SLC44A2: variants seen among roughly 807,000 people sequenced by gnomAD.
The protein encoded by SLC44A2 is solute carrier family 44 member 2 (CTL2 blood group).
In SLC44A2, 57 loss-of-function variants were observed where a neutral mutation model predicts 90.8. The ratio of observed to expected loss-of-function variants is 0.63; its 90% CI spans 0.51 to 0.78. The LOEUF (loss-of-function observed/expected upper bound fraction) is 0.78, where lower values mean the gene tolerates loss of function less well. Among genes scored for constraint, SLC44A2 ranks in the 30% least tolerant of loss-of-function variants. The pLI is 0.00. For synonymous variants in SLC44A2, 355 were observed against 360.7 expected, an observed-to-expected ratio of 0.98 and a Z score of 0.18; for missense variants, 794 against 919.7, an observed-to-expected ratio of 0.86 and a Z score of 1.77.
intron 1 of SLC44A2, among the ~76,000 whole-genome samples, chr19:10,616,983 G>A (rs571701683): frequency 2.6e-5 from 4 of 151,928 alleles, no homozygotes; most frequent in African/African-American, 4.8e-5. Context: ...GTGCAGTGGC[G>A]CGATCTCGGC....
Position 10,631,709 on chromosome 19 carries a change from G to A in SLC44A2, c.586G>A (p.Gly196Ser). 6.2e-7 allele frequency: 1 copy of A among 1,613,036 alleles called. No homozygotes were observed. Among genetic ancestry groups the A allele is most frequent in the Admixed American group, 1.7e-5 (1 of 60,024 alleles). The change falls in exon 8 of 22, where the codon GGC becomes AGC. Residue 196 changes from glycine (G) to serine (S), a missense_variant. Gly to Ser is a moderately conservative substitution (Grantham distance 56). Around this residue, in one of 3 missense-constraint regions of SLC44A2, gnomAD observed 738 missense variants for 841.1 expected, o/e 0.88. Transcript: ENST00000335757. ...GNETTYEDGH[G>S]SRKNITDLVE... ...TGAGACGACCTATGAGGATGGGCAT[G>A]GCTCCCGGAAAAACATCACAGACCT...
chr19:10,627,017 A>T (rs1471482110), intron 2 of SLC44A2, among the ~76,000 whole-genome samples: 2 of 151,700 alleles, frequency 1.3e-5, no homozygotes, highest in Non-Finnish European at 2.9e-5. Context: ...TCTCAAAAAA[A>T]AATAACAAAA....
In SLC44A2 at chr19:10,643,776, C is replaced by A. The variant is rs141207788; in HGVS notation, c.*391C>A. 2.7e-3 allele frequency: 497 copies of A among 185,834 alleles called. 5 individuals are homozygous for A. Among genetic ancestry groups the A allele is most frequent in the African/African-American group, 0.011 (473 of 42,286 alleles). 11.5% of individuals were successfully genotyped at this position (185,834 alleles called of 1,614,324 possible). ...AGCTGCTGGCCACAGTGAACACCCA[C>A]GTTTATTCCTGCCTGCTCCGGCCAG... On this transcript the variant is annotated 3_prime_UTR_variant, in exon 22 of 22. Transcript: ENST00000335757.
Position 10,627,967 on chromosome 19 carries a change from C to T in SLC44A2, c.208C>T (p.Arg70Trp), listed in dbSNP as rs200290054. The change falls in exon 4 of 22, where the codon CGG (arginine) becomes TGG (tryptophan). Residue 70 changes from arginine (R) to tryptophan (W), a missense_variant. Coordinates refer to ENST00000335757, the MANE Select transcript of SLC44A2 (RefSeq NM_020428.4). ...PRKVIYPTDSRGEFCGQKGTK... is the reference protein window; with the variant it reads ...PRKVIYPTDSWGEFCGQKGTK... ...AAAGGTGATCTACCCCACTGACAGCCGGGGCGAGTTCTGCGGGCAGAAGGG... is the reference window on the plus strand; with the variant it reads ...AAAGGTGATCTACCCCACTGACAGCTGGGGCGAGTTCTGCGGGCAGAAGGG... 409 of 1,613,716 alleles carry T rather than the reference C, an allele frequency of 2.5e-4. 1 individual carries two copies. The highest frequency in any genetic ancestry group is 3.1e-4 in the Non-Finnish European group (361 of 1,179,924).
At chr19:10,624,232 A>G (rs766565231), upstream of SLC44A2, among the ~76,000 whole-genome samples, 2 of 143,112 alleles carry the variant, frequency 1.4e-5, no homozygotes, top group Admixed American at 6.9e-5. Context: ...TCTTGACCTC[A>G]TGATCCGCCC....
At chr19:10,613,698 A>G (rs1215518147) in intron 1 of SLC44A2, among the ~76,000 whole-genome samples, 1 of 152,098 alleles carries the variant, frequency 6.6e-6, no homozygotes, top group African/African-American at 2.4e-5. Context: ...AAAATGGAAG[A>G]GGGTGGTAGC....
intron 10 of SLC44A2, among the ~76,000 whole-genome samples, chr19:10,633,578 C>A (rs184982191): frequency 3.5e-4 from 53 of 152,262 alleles, no homozygotes; most frequent in Admixed American, 3.0e-3. Context: ...GTCTTGGCCT[C>A]CCAAGTAGCT....
chr19:10,608,154 T>C (rs1599567418), intron 1 of SLC44A2, among the ~76,000 whole-genome samples: 1 of 145,596 alleles, frequency 6.9e-6, no homozygotes, highest in Non-Finnish European at 1.5e-5. Flanking sequence ...ACCCAGGAGG[T>C]GGAGGTTGTA....
chr19:10,605,964 A>T (rs1428889176), intron 1 of SLC44A2, among the ~76,000 whole-genome samples: 1 of 152,110 alleles, frequency 6.6e-6, no homozygotes, highest in Admixed American at 6.6e-5. Context: ...ACTGCACTCC[A>T]ACCTGGGCTA....
At chr19:10,625,244 T>C (rs1359819648), upstream of SLC44A2, 1 of 219,964 alleles carries the variant, frequency 4.5e-6, no homozygotes, top group Non-Finnish European at 8.8e-6. Flanking sequence ...GTAGGCCGTT[T>C]TCCCTCCCAG....
chr19:10,635,536 G>C, intron 14 of SLC44A2, 21 bp downstream of exon 14: 5 of 1,606,632 alleles, frequency 3.1e-6, no homozygotes, highest in Non-Finnish European at 4.2e-6. Context: ...CCGGGGTGGG[G>C]AGGGCAGGTA....
chr19:10,613,023 G>T (rs1183850712), intron 1 of SLC44A2, among the ~76,000 whole-genome samples: 2 of 151,654 alleles, frequency 1.3e-5, no homozygotes. Context: ...AATGGTTAGT[G>T]GGGATTGGAG....
intron 2 of SLC44A2, among the ~76,000 whole-genome samples, chr19:10,626,680 C>T (rs1333126186): frequency 6.6e-6 from 1 of 151,876 alleles, no homozygotes; most frequent in Non-Finnish European, 1.5e-5. Context: ...CCTTGGCCTC[C>T]CAAAGTGCTG....
At chr19:10,617,629 G>T (rs1307171665) in intron 1 of SLC44A2, among the ~76,000 whole-genome samples, 1 of 152,176 alleles carries the variant, frequency 6.6e-6, no homozygotes, top group African/African-American at 2.4e-5. Context: ...TCATGCTCCT[G>T]CTCAAACACC....
In SLC44A2 at chr19:10,642,399, C is replaced by T. The variant is rs550685298; in HGVS notation, c.1962C>T (p.His654=). 3.4e-5 allele frequency: 55 copies of T among 1,614,040 alleles called. No individual in the cohort carries two copies. The highest frequency in any genetic ancestry group is 1.6e-4 in the Middle Eastern group (1 of 6,084). The change falls in exon 21 of 22, where the codon CAC becomes CAT. Residue 654 remains histidine, a synonymous_variant. Coordinates refer to ENST00000335757, the MANE Select transcript of SLC44A2 (RefSeq NM_020428.4). ...TCGTTGGCTCCTACTTGATTGCACA[C>T]GGTTTCTTCAGCGTCTATGGCATGT... ...TVIVGSYLIA[H]GFFSVYGMCV... is the part of the protein sequence containing the mutation.
chr19:10,641,317 C>G, intron 20 of SLC44A2: 1 of 405,504 alleles, frequency 2.5e-6, no homozygotes, highest in East Asian at 7.3e-5. Flanking sequence ...TCACTTGAGC[C>G]TGGGAGGTCA....
rs977126894 is a variant in SLC44A2, at chr19:10,615,451, G to C, written c.32-10802G>C. Among the ~76,000 whole-genome samples, 3 of 152,058 alleles carry C rather than the reference G, an allele frequency of 2.0e-5. No individual in the cohort carries two copies. In the South Asian group the frequency reaches 6.2e-4, roughly 31 times the overall value. On this transcript the variant is annotated intron_variant, in intron 1 of 21. Transcript: ENST00000407327. ...TAGCCAGGCATGGTGGCTCACACCT[G>C]AAGTCCCCGCTACTCGGGAGGCTGA...
intron 1 of SLC44A2, among the ~76,000 whole-genome samples, chr19:10,613,326 C>T (rs1865065): frequency 0.47 from 70,640 of 151,184 alleles, 16,979 homozygotes; most frequent in East Asian, 0.77. Flanking sequence ...CTTGGCTTGC[C>T]ACAACCTCTG....
At chr19:10,621,860 G>A (rs1486954661), upstream of SLC44A2, among the ~76,000 whole-genome samples, 1 of 152,146 alleles carries the variant, frequency 6.6e-6, no homozygotes, top group African/African-American at 2.4e-5. Flanking sequence ...CAGGTGATCT[G>A]CCCACCTTGG....
Sources: gnomAD v4.1 joint callset for allele counts (sites outside exome capture counted in the v4.1 genomes callset) on GRCh38, gnomAD v4.1.1 for gene constraint, gnomAD v4.1.1 regional missense constraint, MANE v1.5 for transcripts, NCBI Gene and HGNC (gene_info 2026-07-23, HGNC 2026-07-21) for gene names.